MRPL47: variants seen among roughly 807,000 people sequenced by gnomAD.
The protein encoded by MRPL47 is mitochondrial ribosomal protein L47.
In MRPL47, 31 loss-of-function variants were observed where a neutral mutation model predicts 34.0. The ratio of observed to expected loss-of-function variants is 0.91; its 90% confidence interval spans 0.68 to 1.23. MRPL47 has a LOEUF of 1.23. MRPL47 is among the 50% of genes most tolerant of loss of function. MRPL47 has a pLI of 0.00. For missense variants in MRPL47, 328 were observed against 285.8 expected, an observed-to-expected ratio of 1.15 and a Z score of -1.07; for synonymous variants, 106 against 101.6, an observed-to-expected ratio of 1.04 and a Z score of -0.26.
intron 6 of MRPL47, among the ~76,000 whole-genome samples, chr3:179,590,634 G>A (rs1344573428): frequency 2.0e-5 from 3 of 150,716 alleles, no homozygotes; most frequent in Admixed American, 6.6e-5. Context: ...GAGGAAAAGA[G>A]TTTAAGATTT....
rs201534079 is a variant in MRPL47, at chr3:179,595,328, C to T, written c.403-1433G>A. 9.9e-5 allele frequency among the ~76,000 whole-genome samples: 15 copies of T among 152,190 alleles called. No homozygotes were observed. The East Asian group carries it at 1.2e-3, about 12-fold the overall frequency. ...CCTCCCAAAGTGCTGGGATTACAGA[C>T]GTGAGCCATTGCACCTGGCCCATAA... On this transcript the variant is annotated intron_variant, in intron 4 of 6. Coordinates refer to ENST00000476781, the MANE Select transcript of MRPL47 (RefSeq NM_020409.3).
Position 179,590,907 on chromosome 3 carries a change from ATGAC to A in MRPL47, c.629+1733_629+1736del, listed in dbSNP as rs996373568. On this transcript the variant is annotated intron_variant, in intron 6 of 6. Transcript: ENST00000476781. ...ATATATAGCAATGGTGATGAAAAAGATGACTGACGGTTTAGGGCTAATGTAGACT... is the reference window on the plus strand; with the variant it reads ...ATATATAGCAATGGTGATGAAAAAGATGACGGTTTAGGGCTAATGTAGACT... 2.6e-5 allele frequency among the ~76,000 whole-genome samples: 4 copies of A among 152,310 alleles called. No homozygotes were observed. The East Asian group carries it at 7.7e-4, about 29-fold the overall frequency.
intron 4 of MRPL47, among the ~76,000 whole-genome samples, chr3:179,595,719 G>T (rs1432829991): frequency 6.6e-6 from 1 of 152,230 alleles, no homozygotes; most frequent in Non-Finnish European, 1.5e-5. Flanking sequence ...TTAACATTCA[G>T]AAGTTCATGC....
rs868708916 is a variant in MRPL47, at chr3:179,588,564, C to T, written c.*308G>A. The T allele has an allele frequency of 5.2e-5, 11 of 210,244 alleles. No individual in the cohort carries two copies. The highest frequency in any genetic ancestry group is 1.2e-4 in the South Asian group (1 of 8,630). The allele number at this position is 210,244 out of a possible 1,614,324, so 13.0% of individuals were successfully genotyped here. A position where few individuals can be genotyped will look rare whatever the true frequency, so the allele number is the denominator to read the frequency against. ...AACTATTATTCAAATTCAAAAACTACGGTATTGCCTTTGCTGTGGCAGTTA... is the reference window on the plus strand; with the variant it reads ...AACTATTATTCAAATTCAAAAACTATGGTATTGCCTTTGCTGTGGCAGTTA... On this transcript the variant is annotated 3_prime_UTR_variant, in exon 7 of 7. Coordinates refer to ENST00000476781, the MANE Select transcript of MRPL47 (RefSeq NM_020409.3).
intron 1 of MRPL47, 102 bp downstream of exon 1, chr3:179,604,425 G>T: frequency 8.9e-7 from 1 of 1,126,844 alleles, no homozygotes. Flanking sequence ...CCATCCAGGC[G>T]GCCGTTCCAT....
chr3:179,598,537 T>C, intron 4 of MRPL47, 138 bp downstream of exon 4: 1 of 609,186 alleles, frequency 1.6e-6, no homozygotes, highest in Non-Finnish European at 3.0e-6. Flanking sequence ...GGAGCTATGA[T>C]GGTTGCACTA....
intron 4 of MRPL47, among the ~76,000 whole-genome samples, chr3:179,598,415 CACACACACACAA>C (rs1486074732): frequency 7.2e-6 from 1 of 139,320 alleles, no homozygotes; most frequent in African/African-American, 2.7e-5. Flanking sequence ...CACACACACA[CACACACACACAA>C]ACAAAAAAAA....
chr3:179,594,690 G>A (rs1718755539), intron 4 of MRPL47, among the ~76,000 whole-genome samples: 1 of 152,026 alleles, frequency 6.6e-6, no homozygotes, highest in Non-Finnish European at 1.5e-5. Flanking sequence ...CACCATGTTG[G>A]CCAGGCTGGT....
At chr3:179,593,403 AT>A (rs925671922) in intron 5 of MRPL47, among the ~76,000 whole-genome samples, 2 of 152,208 alleles carry the variant, frequency 1.3e-5, no homozygotes, top group African/African-American at 2.4e-5. Flanking sequence ...AGCTTCATGG[AT>A]TTTATACCTT....
At chr3:179,601,234 T>A (rs1055993448) in intron 3 of MRPL47, among the ~76,000 whole-genome samples, 1 of 151,876 alleles carries the variant, frequency 6.6e-6, no homozygotes, top group Non-Finnish European at 1.5e-5. Flanking sequence ...ATAGGGAGAC[T>A]CCCTCTCCAT....
At chr3:179,590,556 CTT>C (rs1718650864) in intron 6 of MRPL47, among the ~76,000 whole-genome samples, 1 of 151,988 alleles carries the variant, frequency 6.6e-6, no homozygotes, top group South Asian at 2.1e-4. Context: ...GCAAGGAACA[CTT>C]AGGAAACAAG....
rs760571512 is a variant in MRPL47 at position 179,588,836 on chromosome 3, G to A, written c.*36C>T. 6 of 1,600,052 alleles carry A rather than the reference G, an allele frequency of 3.7e-6. No individual in the cohort carries two copies. In the Admixed American group the frequency reaches 1.0e-4, roughly 28 times the overall value. ...TTACTCCTGTACACAGACTATTCAA[G>A]AAAAACAAAATGGTAAATTTAATAG... is the stretch of plus-strand genomic sequence containing the variant. On this transcript the variant is annotated 3_prime_UTR_variant, in exon 7 of 7. Transcript: ENST00000476781.
At chr3:179,600,624 A>G (rs941174751) in intron 3 of MRPL47, among the ~76,000 whole-genome samples, 2 of 152,248 alleles carry the variant, frequency 1.3e-5, no homozygotes, top group African/African-American at 4.8e-5. Flanking sequence ...CCTGGGTGAC[A>G]GAGTGAGACT....
At chr3:179,597,852 A>G (rs1718824266) in intron 4 of MRPL47, among the ~76,000 whole-genome samples, 1 of 152,190 alleles carries the variant, frequency 6.6e-6, no homozygotes, top group Non-Finnish European at 1.5e-5. Flanking sequence ...ACAATATTGT[A>G]AATATACTAA....
chr3:179,588,956 C>T lies in MRPL47; in HGVS notation c.669G>A (p.Lys223=), dbSNP rs371947591. Residue 223 remains lysine (K), a synonymous_variant, in exon 7 of 7, where the codon AAG becomes AAA. Transcript: ENST00000476781. ...REKRARIKAR[K]ENLERKKAKI... ...TTGCTTTCTTTCTCTCTAAATTTTC[C>T]TTCCGTGCTTTGATGCGGGCTCGTT... The T allele has an allele frequency of 6.2e-7, 1 of 1,613,404 alleles. No individual in the cohort carries two copies. Among genetic ancestry groups the T allele is most frequent in the East Asian group, 2.2e-5 (1 of 44,842 alleles).
chr3:179,603,124 AGCT>A (rs1392775889), intron 1 of MRPL47, among the ~76,000 whole-genome samples: 1 of 152,210 alleles, frequency 6.6e-6, no homozygotes, highest in East Asian at 1.9e-4. Flanking sequence ...GCATTATAGA[AGCT>A]GCTACCTTAT....
rs1238276749 is a variant in MRPL47, at chr3:179,598,397, G to C, written c.402+278C>G. On this transcript the variant is annotated intron_variant, in intron 4 of 6. Transcript: ENST00000476781. The stretch of plus-strand genomic sequence containing the variant: ...CAGAGTGAGACCCACCTGACACACT[G>C]ACACACACACACACACACACACACA... Among the ~76,000 whole-genome samples, 14 of 102,946 alleles carry C rather than the reference G, an allele frequency of 1.4e-4. No homozygotes were observed. The highest frequency in any genetic ancestry group is 2.9e-4 in the East Asian group (1 of 3,478). The allele number at this position is 102,946 out of a possible 152,430, so 67.5% of individuals were successfully genotyped here. A position where few individuals can be genotyped will look rare whatever the true frequency, so the allele number is the denominator to read the frequency against.
Position 179,598,397 on chromosome 3 carries a change from G to GAC in MRPL47, c.402+276_402+277dup, listed in dbSNP as rs11455585. Among the ~76,000 whole-genome samples, 1,022 of 102,922 alleles carry GAC rather than the reference G, an allele frequency of 9.9e-3. 14 individuals are homozygous for GAC. Among genetic ancestry groups the GAC allele is most frequent in the Middle Eastern group, 0.017 (3 of 172 alleles). 67.5% of individuals were successfully genotyped at this position (102,922 alleles called of 152,430 possible). ...CAGAGTGAGACCCACCTGACACACT[G>GAC]ACACACACACACACACACACACACA... On this transcript the variant is annotated intron_variant, in intron 4 of 6. Coordinates refer to ENST00000476781, the MANE Select transcript of MRPL47 (RefSeq NM_020409.3).
rs1343022284 is a variant in MRPL47, at chr3:179,604,571, T to C, written c.54A>G (p.Lys18=). ...GAGGAGTTATTAACGATCGGGAAGA[T>C]TTCAGGGCGGATGAAACTCTCCTAC... The part of the protein sequence containing the change: ...LLCRRVSSAL[K]SSRSLITPQV... Residue 18 remains lysine (K), a synonymous_variant, in exon 1 of 7, where the codon AAA becomes AAG. Transcript: ENST00000476781. The C allele has an allele frequency of 3.1e-6, 5 of 1,614,012 alleles. No individual in the cohort carries two copies. The highest frequency in any genetic ancestry group is 4.2e-6 in the Non-Finnish European group (5 of 1,180,000).
Sources: gnomAD v4.1 joint callset for allele counts (sites outside exome capture counted in the v4.1 genomes callset) on GRCh38, gnomAD v4.1.1 for gene constraint, MANE v1.5 for transcripts, NCBI Gene and HGNC (gene_info 2026-07-23, HGNC 2026-07-21) for gene names.